The following ARMH3 variants were observed in gnomAD, a reference collection of about 807,000 sequenced individuals.
The protein encoded by ARMH3 is armadillo like helical domain containing 3.
In ARMH3, 60 loss-of-function variants were observed where a neutral mutation model predicts 99.1. The ratio of observed to expected loss-of-function variants is 0.61; its 90% CI spans 0.49 to 0.75. The LOEUF (loss-of-function observed/expected upper bound fraction) is 0.75, where lower values mean the gene tolerates loss of function less well. ARMH3 is among the 30% of genes least tolerant of loss of function. The pLI, the probability that ARMH3 is intolerant of heterozygous loss-of-function variation, is 0.00. For missense variants in ARMH3, 679 were observed against 843.1 expected (o/e 0.81, Z 2.41); for synonymous variants, 285 against 292.8 (o/e 0.97, Z 0.27).
chr10:101,952,264 T>A (rs1222871288), intron 22 of ARMH3, among the ~76,000 whole-genome samples: 2 of 152,314 alleles, frequency 1.3e-5, no homozygotes, highest in Middle Eastern at 6.8e-3. Context: ...TCAGGGTACT[T>A]GGACTGTGTG....
chr10:101,888,581 C>T (rs1358456238), intron 24 of ARMH3, among the ~76,000 whole-genome samples: 1 of 152,196 alleles, frequency 6.6e-6, no homozygotes, highest in Admixed American at 6.5e-5. Context: ...CAGCAAGAAG[C>T]TCAAACAAGG....
At position 101,889,312 on chromosome 10, in the gene ARMH3, A is replaced by G. The variant is rs931467325; in HGVS notation, c.1860+100T>C. On this transcript the variant is annotated intron_variant, in intron 24 of 25. Coordinates refer to ENST00000370033, the MANE Select transcript of ARMH3 (RefSeq NM_024541.3). ...TCTCAGCAGCCTGGCCCTGGTCACTACCACAAAAGCTCAGTCACAGAATCC... is the reference window on the plus strand; with the variant it reads ...TCTCAGCAGCCTGGCCCTGGTCACTGCCACAAAAGCTCAGTCACAGAATCC... 27 of 1,200,200 alleles carry G rather than the reference A, an allele frequency of 2.2e-5. 1 individual carries two copies. The Middle Eastern group carries it at 9.4e-4, about 42-fold the overall frequency. 74.3% of individuals were successfully genotyped at this position (1,200,200 alleles called of 1,614,324 possible).
intron 22 of ARMH3, among the ~76,000 whole-genome samples, chr10:101,956,005 T>C (rs1845019815): frequency 6.6e-6 from 1 of 152,214 alleles, no homozygotes; most frequent in Admixed American, 6.5e-5. Context: ...AGATTTTTCC[T>C]TAACCTTTAT....
chr10:101,962,943 A>G (rs1327778173), intron 20 of ARMH3, among the ~76,000 whole-genome samples: 1 of 151,564 alleles, frequency 6.6e-6, no homozygotes, highest in Non-Finnish European at 1.5e-5. Context: ...GAAAAATCCT[A>G]TAAGCTCAGA....
At chr10:101,969,568 T>C (rs778110195) in intron 20 of ARMH3, among the ~76,000 whole-genome samples, 4 of 152,224 alleles carry the variant, frequency 2.6e-5, no homozygotes, top group Non-Finnish European at 4.4e-5. Flanking sequence ...CTGCCAGTAA[T>C]AGGAGAGCCA....
At chr10:101,852,824 T>C (rs979625664) in intron 24 of ARMH3, among the ~76,000 whole-genome samples, 1 of 150,994 alleles carries the variant, frequency 6.6e-6, no homozygotes, top group African/African-American at 2.4e-5. Flanking sequence ...GTGCCCATGA[T>C]CTCAGCTCTC....
chr10:101,849,051 C>A (rs2066524993), intron 25 of ARMH3, among the ~76,000 whole-genome samples: 1 of 152,204 alleles, frequency 6.6e-6, no homozygotes, highest in Admixed American at 6.5e-5. Flanking sequence ...TAAGTAAAAG[C>A]TGAGCTGACG....
rs1399259489 is a variant in ARMH3 at position 102,042,375 on chromosome 10, A to G, written c.-11-2250T>C. ...TTCTGAGGATTTATAATTGGGTTACAGCTAATCAATGTCCACCCCAAATCT... is the reference window on the plus strand; with the variant it reads ...TTCTGAGGATTTATAATTGGGTTACGGCTAATCAATGTCCACCCCAAATCT... On this transcript the variant is annotated intron_variant, in intron 1 of 25. Transcript: ENST00000370033. Among the ~76,000 whole-genome samples, 3 of 152,372 alleles carry G rather than the reference A, an allele frequency of 2.0e-5. No homozygotes were observed. The East Asian group carries it at 5.8e-4, about 29-fold the overall frequency.
chr10:102,042,280 A>G (rs1178726838), intron 1 of ARMH3, among the ~76,000 whole-genome samples: 1 of 152,248 alleles, frequency 6.6e-6, no homozygotes, highest in African/African-American at 2.4e-5. Flanking sequence ...AGCTTCAACC[A>G]GTTGATTAGC....
chr10:101,960,676 G>T (rs950950676), intron 20 of ARMH3, among the ~76,000 whole-genome samples: 3 of 151,878 alleles, frequency 2.0e-5, no homozygotes, highest in African/African-American at 7.3e-5. Flanking sequence ...TGATCATGAG[G>T]TCAGGAGTTC....
At chr10:101,986,612 T>C (rs1846520733) in intron 19 of ARMH3, among the ~76,000 whole-genome samples, 1 of 152,192 alleles carries the variant, frequency 6.6e-6, no homozygotes, top group Admixed American at 6.5e-5. Flanking sequence ...TATAAACTTA[T>C]CTGAAATGGC....
At chr10:101,916,906 C>T (rs1049539227) in intron 23 of ARMH3, among the ~76,000 whole-genome samples, 5 of 152,160 alleles carry the variant, frequency 3.3e-5, no homozygotes, top group Non-Finnish European at 1.5e-5. Flanking sequence ...ACATCAGGAG[C>T]TCCTGGTTCT....
chr10:101,879,883 A>G (rs955809930), intron 24 of ARMH3, among the ~76,000 whole-genome samples: 10 of 152,206 alleles, frequency 6.6e-5, no homozygotes, highest in Non-Finnish European at 1.3e-4. Flanking sequence ...AAGATGCCCT[A>G]TATAACATAA....
intron 8 of ARMH3, among the ~76,000 whole-genome samples, chr10:102,021,121 G>C (rs2066874898): frequency 1.3e-5 from 2 of 152,288 alleles, no homozygotes; most frequent in South Asian, 4.1e-4. Context: ...TTGTCACCCA[G>C]GCTGGAGTGC....
intron 22 of ARMH3, among the ~76,000 whole-genome samples, chr10:101,951,867 CAA>C (rs1248699204): frequency 2.1e-4 from 9 of 43,784 alleles, no homozygotes; most frequent in African/African-American, 1.8e-4. Context: ...GACTCCGTCT[CAA>C]AAAAAAAAAA....
intron 23 of ARMH3, among the ~76,000 whole-genome samples, chr10:101,930,939 T>C (rs1484993795): frequency 2.0e-5 from 3 of 152,256 alleles, no homozygotes; most frequent in Non-Finnish European, 2.9e-5. Context: ...ATAGGTCCAT[T>C]GTTATCCTCA....
intron 23 of ARMH3, among the ~76,000 whole-genome samples, chr10:101,904,261 A>G (rs1021994333): frequency 1.3e-5 from 2 of 152,196 alleles, no homozygotes; most frequent in Non-Finnish European, 2.9e-5. Context: ...GAAGAGCCTG[A>G]GCAAACACCT....
chr10:102,040,359 G>A (rs2067380843), intron 1 of ARMH3, among the ~76,000 whole-genome samples: 1 of 152,180 alleles, frequency 6.6e-6, no homozygotes, highest in Non-Finnish European at 1.5e-5. Flanking sequence ...CATGTGTGAA[G>A]GAAGCAGACG....
chr10:101,911,017 G>A (rs1218563298), intron 23 of ARMH3, among the ~76,000 whole-genome samples: 4 of 151,900 alleles, frequency 2.6e-5, no homozygotes, highest in Non-Finnish European at 5.9e-5. Flanking sequence ...GCAGGCGCCT[G>A]TAATCCCAAC....
Sources: allele counts gnomAD v4.1 joint callset (sites outside exome capture counted in the v4.1 genomes callset), GRCh38; gene constraint gnomAD v4.1.1; transcripts MANE v1.5; gene names NCBI Gene and HGNC (gene_info 2026-07-23, HGNC 2026-07-21).